Variants in ESCO2 observed in about 807,000 individuals in gnomAD.
ESCO2 encodes the protein establishment of sister chromatid cohesion N-acetyltransferase 2, also known as N-acetyltransferase ESCO2.
ESCO2 carries 51 observed loss-of-function variants against 61.7 expected under a neutral mutation model. The observed-to-expected ratio is 0.83, with a 90% CI of 0.66 to 1.04. The LOEUF is 1.04. Ranked by LOEUF, ESCO2 falls within the 50% of genes least tolerant of loss-of-function variation. The pLI is 0.00. For synonymous variants in ESCO2, 230 were observed against 238.2 expected, an observed-to-expected ratio of 0.97 and a Z score of 0.32; for missense variants, 692 against 686.2, an observed-to-expected ratio of 1.01 and a Z score of -0.09.
At chr8:27,792,868 T>C in intron 9 of ESCO2, 57 bp downstream of exon 9, 4 of 1,522,756 alleles carry the variant, frequency 2.6e-6, no homozygotes, top group Non-Finnish European at 3.5e-6. Context: ...TAAAGAAAAG[T>C]TGGGAGAAGT....
downstream of ESCO2, among the ~76,000 whole-genome samples, chr8:27,806,251 A>G (rs902694999): frequency 1.3e-5 from 2 of 152,182 alleles, no homozygotes; most frequent in African/African-American, 4.8e-5. Flanking sequence ...ATTGAGGGCA[A>G]TCAGGTTGAG....
chr8:27,780,292 A>G, intron 4 of ESCO2, 25 bp downstream of exon 4: 1 of 1,392,334 alleles, frequency 7.2e-7, no homozygotes, highest in Non-Finnish European at 1.0e-6. Context: ...GCATGAATTT[A>G]GCTGCTTAAA....
At chr8:27,813,354 C>G (rs1162602502), downstream of ESCO2, among the ~76,000 whole-genome samples, 1 of 152,042 alleles carries the variant, frequency 6.6e-6, no homozygotes, top group Non-Finnish European at 1.5e-5. Flanking sequence ...GGAGAAATAC[C>G]TAATGTAAAT....
intron 9 of ESCO2, among the ~76,000 whole-genome samples, chr8:27,797,168 A>G (rs940781338): frequency 3.3e-5 from 5 of 152,186 alleles, no homozygotes; most frequent in Non-Finnish European, 5.9e-5. Flanking sequence ...CGATGTATCC[A>G]TTGTTGAAAG....
chr8:27,791,123 G>C (rs910657341), intron 7 of ESCO2, among the ~76,000 whole-genome samples: 3 of 152,098 alleles, frequency 2.0e-5, no homozygotes, highest in African/African-American at 7.2e-5. Context: ...TAGGAACTTA[G>C]TATAGCACAT....
At chr8:27,807,144 C>T (rs1486531711), downstream of ESCO2, among the ~76,000 whole-genome samples, 3 of 151,968 alleles carry the variant, frequency 2.0e-5, no homozygotes, top group Non-Finnish European at 4.4e-5. Flanking sequence ...CAGTCTAGTA[C>T]AGTGTTGAAT....
chr8:27,793,403 G>C (rs1474051514), intron 9 of ESCO2, among the ~76,000 whole-genome samples: 1 of 151,556 alleles, frequency 6.6e-6, no homozygotes, highest in Non-Finnish European at 1.5e-5. Context: ...AGCTAATATA[G>C]CTATACCTCA....
intron 9 of ESCO2, among the ~76,000 whole-genome samples, chr8:27,795,497 G>A (rs1041309679): frequency 4.6e-5 from 7 of 152,114 alleles, no homozygotes; most frequent in Non-Finnish European, 8.8e-5. Context: ...AAATTTGAAT[G>A]CCTTTCTTTT....
downstream of ESCO2, among the ~76,000 whole-genome samples, chr8:27,816,727 A>T (rs868069635): frequency 1.3e-5 from 2 of 152,088 alleles, no homozygotes; most frequent in Admixed American, 1.3e-4. Context: ...GTTTAAAAAA[A>T]ATTTTAAGAT....
At chr8:27,787,677 A>C (rs1170037996) in intron 5 of ESCO2, among the ~76,000 whole-genome samples, 1 of 152,190 alleles carries the variant, frequency 6.6e-6, no homozygotes, top group East Asian at 1.9e-4. Flanking sequence ...TAACACTGCC[A>C]TTTACTAGTT....
Position 27,805,283 on chromosome 8 carries a change from G to T in ESCO2, c.*1845G>T. On this transcript the variant is annotated 3_prime_UTR_variant, in exon 11 of 11. Coordinates refer to ENST00000305188, the MANE Select transcript of ESCO2 (RefSeq NM_001017420.3). ...GGCCTGGGCGACAGAGCGAGACTCC[G>T]TCTCAAAAAAAAAAAAAAAAAAAAA... The T allele has an allele frequency of 3.0e-5, 1 of 32,990 alleles. No individual in the cohort carries two copies. Among genetic ancestry groups the T allele is most frequent in the Admixed American group, 5.9e-4 (1 of 1,706 alleles). 2.0% of individuals were successfully genotyped at this position (32,990 alleles called of 1,614,324 possible). A position where few individuals can be genotyped will look rare whatever the true frequency, so the allele number is the denominator to read the frequency against.
chr8:27,792,191 A>G, intron 8 of ESCO2, 139 bp downstream of exon 8: 1 of 813,630 alleles, frequency 1.2e-6, no homozygotes, highest in Admixed American at 2.0e-5. Flanking sequence ...AATTTATACA[A>G]AACTAAGAAT....
chr8:27,781,751 C>A (rs769956247), intron 4 of ESCO2, among the ~76,000 whole-genome samples: 1 of 151,796 alleles, frequency 6.6e-6, no homozygotes, highest in Non-Finnish European at 1.5e-5. Context: ...GGGGTTTCAC[C>A]ATGTTGGCCA....
chr8:27,797,426 G>A (rs1349130080), intron 9 of ESCO2, among the ~76,000 whole-genome samples: 1 of 152,104 alleles, frequency 6.6e-6, no homozygotes, highest in Non-Finnish European at 1.5e-5. Flanking sequence ...TTTGCATGGA[G>A]TCGTTTTTCT....
At chr8:27,815,442 T>C (rs960474983), downstream of ESCO2, among the ~76,000 whole-genome samples, 14 of 152,164 alleles carry the variant, frequency 9.2e-5, no homozygotes, top group African/African-American at 3.4e-4. Context: ...GTTTAGAAGG[T>C]AGCCATGGAC....
intron 3 of ESCO2, 171 bp from the exon 4 acceptor site, chr8:27,780,003 C>T: frequency 1.7e-6 from 1 of 578,206 alleles, no homozygotes. Flanking sequence ...TTAGTGAATA[C>T]AGGGGAAGTT....
chr8:27,810,425 C>CA (rs770504237), downstream of ESCO2: 13 of 1,607,096 alleles, frequency 8.1e-6, no homozygotes, highest in African/African-American at 1.5e-4. Flanking sequence ...CCAGTTCTTC[C>CA]ATATTAATAG....
At chr8:27,812,604 GAACTCA>G (rs1407721976), downstream of ESCO2, 3 of 118,144 alleles carry the variant, frequency 2.5e-5, no homozygotes, top group African/African-American at 9.8e-5. Flanking sequence ...AATCTACAAA[GAACTCA>G]AACAAATTTA....
chr8:27,805,866 G>A (rs984782567), downstream of ESCO2, among the ~76,000 whole-genome samples: 1 of 152,068 alleles, frequency 6.6e-6, no homozygotes, highest in Non-Finnish European at 1.5e-5. Context: ...CTCCTGAGCT[G>A]AAGTGATCCT....
Sources: gnomAD v4.1 joint callset for allele counts (sites outside exome capture counted in the v4.1 genomes callset) on GRCh38, gnomAD v4.1.1 for gene constraint, MANE v1.5 for transcripts, NCBI Gene and HGNC (gene_info 2026-07-23, HGNC 2026-07-21) for gene names.